Variants in UNC45B observed in about 807,000 individuals in gnomAD.
UNC45B encodes protein unc-45 homolog B.
Under a neutral mutation model 98.7 loss-of-function variants are expected in UNC45B, and 78 were observed. The ratio of observed to expected loss-of-function variants is 0.79; its 90% confidence interval spans 0.66 to 0.95. The LOEUF is 0.95. Ranked by LOEUF, UNC45B falls within the 40% of genes least tolerant of loss-of-function variation. The pLI is 0.00. For missense variants in UNC45B, 1,225 were observed against 1,184.9 expected (o/e 1.03, Z -0.50); for synonymous variants, 462 against 480.4 (o/e 0.96, Z 0.50).
At chr17:35,170,996 G>A (rs1567763463) in intron 12 of UNC45B, among the ~76,000 whole-genome samples, 1 of 152,034 alleles carries the variant, frequency 6.6e-6, no homozygotes, top group African/African-American at 2.4e-5. Flanking sequence ...CACCAGGACC[G>A]GAAAATGTCC....
Position 35,186,324 on chromosome 17 carries a change from A to C in UNC45B, c.2555A>C (p.Gln852Pro), listed in dbSNP as rs1567772466. The change falls in exon 20 of 20, where the codon CAG (glutamine) becomes CCG (proline). Residue 852 changes from glutamine to proline, a missense_variant. Transcript: ENST00000394570. ...QVTTQWLEIL[Q>P]RLCLHDQLSV... ...ACAACCCAGTGGTTGGAGATCCTCC[A>C]GCGGCTTTGCCTGCACGACCAGCTG... 3 of 1,613,970 alleles carry C rather than the reference A, an allele frequency of 1.9e-6. No homozygotes were observed. The highest frequency in any genetic ancestry group is 2.7e-5 in the African/African-American group (2 of 74,906).
chr17:35,148,850 TG>T (rs1470653231), intron 2 of UNC45B, 122 bp from the exon 3 acceptor site: 8 of 1,187,536 alleles, frequency 6.7e-6, no homozygotes, highest in Middle Eastern at 3.9e-4. Context: ...GAGCATGCCC[TG>T]GGCCTCTGAC....
rs756137293 is a variant in UNC45B at position 35,154,626 on chromosome 17, T to G, written c.524T>G (p.Ile175Ser). The G allele has an allele frequency of 1.2e-6, 2 of 1,613,370 alleles. No homozygotes were observed. The highest frequency in any genetic ancestry group is 2.7e-5 in the African/African-American group (2 of 74,906). Residue 175 changes from isoleucine to serine, a missense_variant, in exon 6 of 20, where the codon ATC becomes AGC. Ile to Ser is a moderately radical substitution (Grantham distance 142). Transcript: ENST00000394570. ...CGTGAGGAAGCAGGGGCTGAGAAGA[T>G]CTTCCAGAACAATGGAGTAGCCTTG... ...LGREEAGAEKIFQNNGVALLL... is the reference protein window; with the variant it reads ...LGREEAGAEKSFQNNGVALLL...
At chr17:35,180,714 C>G (rs764622552) in intron 18 of UNC45B, 38 bp downstream of exon 18, 7 of 1,556,964 alleles carry the variant, frequency 4.5e-6, no homozygotes, top group Admixed American at 1.7e-5. Context: ...CGGGCGTGAT[C>G]AAGGCACGAG....
intron 14 of UNC45B, among the ~76,000 whole-genome samples, chr17:35,175,089 G>A (rs922404303): frequency 3.4e-5 from 4 of 117,704 alleles, no homozygotes; most frequent in Admixed American, 1.7e-4. Flanking sequence ...GAAAGAAAGA[G>A]AAAGAAAGAA....
At chr17:35,174,477 A>G (rs942592669) in intron 14 of UNC45B, 108 bp downstream of exon 14, 1 of 1,470,380 alleles carries the variant, frequency 6.8e-7, no homozygotes, top group Non-Finnish European at 9.2e-7. Flanking sequence ...AAATGAGGAG[A>G]TAAACTATTG....
intron 17 of UNC45B, among the ~76,000 whole-genome samples, chr17:35,178,315 T>C (rs1265149041): frequency 6.6e-6 from 1 of 152,258 alleles, no homozygotes; most frequent in Non-Finnish European, 1.5e-5. Flanking sequence ...TTTTTTCATG[T>C]GTCTGTTGGC....
intron 8 of UNC45B, among the ~76,000 whole-genome samples, chr17:35,162,603 T>G (rs1445083873): frequency 2.6e-5 from 4 of 152,072 alleles, no homozygotes; most frequent in African/African-American, 9.7e-5. Flanking sequence ...CACTTTTTTT[T>G]TTTGAGACAG....
intron 19 of UNC45B, 125 bp from the exon 20 acceptor site, chr17:35,186,174 G>A: frequency 8.0e-7 from 1 of 1,251,580 alleles, no homozygotes; most frequent in Non-Finnish European, 1.1e-6. Flanking sequence ...TCCTCTTAAT[G>A]ACCTAATTAC....
At chr17:35,157,286 C>G (rs2092070221) in intron 7 of UNC45B, among the ~76,000 whole-genome samples, 1 of 152,068 alleles carries the variant, frequency 6.6e-6, no homozygotes, top group South Asian at 2.1e-4. Context: ...GTTGCCCAGG[C>G]TGGAGTGCGG....
At chr17:35,172,225 A>G (rs962742017) in intron 13 of UNC45B, among the ~76,000 whole-genome samples, 2 of 152,022 alleles carry the variant, frequency 1.3e-5, no homozygotes, top group Non-Finnish European at 2.9e-5. Context: ...TCACATTGCC[A>G]TCTCATTCTC....
rs79383041 is a variant in UNC45B, at chr17:35,148,017, G to C, written c.-1+107G>C. 3,409 of 515,260 alleles carry C rather than the reference G, an allele frequency of 6.6e-3. 57 individuals carry two copies. The highest frequency in any genetic ancestry group is 0.033 in the East Asian group (991 of 29,966). The allele number at this position is 515,260 out of a possible 1,614,324, so 31.9% of individuals were successfully genotyped here. On this transcript the variant is annotated intron_variant, in intron 1 of 19. Coordinates refer to ENST00000394570, the MANE Select transcript of UNC45B (RefSeq NM_001267052.2). Reference sequence around the variant, plus strand: ...TGGCACAAACTAAGCAGCTTCGCCTGCTCAGGCTGGGAGGGACAGAGAGTG... The same window carrying C: ...TGGCACAAACTAAGCAGCTTCGCCTCCTCAGGCTGGGAGGGACAGAGAGTG...
chr17:35,179,177 C>T (rs2092256611), intron 17 of UNC45B, among the ~76,000 whole-genome samples: 1 of 152,200 alleles, frequency 6.6e-6, no homozygotes, highest in Non-Finnish European at 1.5e-5. Context: ...TTGATTCTTC[C>T]AATCCATGAG....
chr17:35,148,163 C>T, intron 1 of UNC45B, 101 bp from the exon 2 acceptor site: 1 of 1,347,130 alleles, frequency 7.4e-7, no homozygotes, highest in Non-Finnish European at 1.0e-6. Context: ...ACCATCCTCT[C>T]TGGTGTGAGG....
chr17:35,169,165 A>C (rs946127957), intron 10 of UNC45B, among the ~76,000 whole-genome samples: 3 of 150,664 alleles, frequency 2.0e-5, no homozygotes, highest in African/African-American at 7.3e-5. Context: ...TCAGCCTCCC[A>C]AGTAGCTGGG....
At chr17:35,149,111 A>G in intron 3 of UNC45B, 102 bp downstream of exon 3, 2 of 1,361,608 alleles carry the variant, frequency 1.5e-6, no homozygotes, top group Non-Finnish European at 2.1e-6. Flanking sequence ...GTGAGTATGG[A>G]GTGACTTCAG....
At chr17:35,162,451 C>CTTTCTT (rs2092108619) in intron 8 of UNC45B, among the ~76,000 whole-genome samples, 1 of 152,130 alleles carries the variant, frequency 6.6e-6, no homozygotes, top group South Asian at 2.1e-4. Context: ...CTGCCAGGCG[C>CTTTCTT]TTTCTTTTTC....
intron 19 of UNC45B, among the ~76,000 whole-genome samples, chr17:35,185,284 T>C (rs1250776642): frequency 3.3e-5 from 5 of 149,752 alleles, no homozygotes; most frequent in Non-Finnish European, 7.4e-5. Context: ...AACCTTTGCA[T>C]TGGTGTTTTT....
chr17:35,168,086 G>A lies in UNC45B; in HGVS notation c.1177G>A (p.Asp393Asn), dbSNP rs2092153703. Residue 393 changes from aspartate (D) to asparagine (N), a missense_variant, in exon 10 of 20, where the codon GAC becomes AAC. Asp to Asn is a conservative substitution (Grantham distance 23). Transcript: ENST00000394570. Reference sequence around the variant, plus strand: ...GGGCAAGTTTGACCCCCAGGACATGGACAAGAACTTGAATGCCATCCAGAC... The same window carrying A: ...GGGCAAGTTTGACCCCCAGGACATGAACAAGAACTTGAATGCCATCCAGAC... The part of the protein sequence containing the change: ...ITGKFDPQDM[D>N]KNLNAIQTVS... 6.4e-7 allele frequency: 1 copy of A among 1,557,762 alleles called. No individual in the cohort carries two copies. Among genetic ancestry groups the A allele is most frequent in the Non-Finnish European group, 8.7e-7 (1 of 1,150,832 alleles).
Sources: gnomAD v4.1 joint callset for allele counts (sites outside exome capture counted in the v4.1 genomes callset) on GRCh38, gnomAD v4.1.1 for gene constraint, MANE v1.5 for transcripts, NCBI Gene and HGNC (gene_info 2026-07-23, HGNC 2026-07-21) for gene names.